RGS7: variants seen among roughly 807,000 people sequenced by gnomAD.
The protein encoded by RGS7 is regulator of G protein signaling 7, also known as regulator of G-protein signaling 7.
RGS7 carries 27 observed loss-of-function variants against 81.1 expected under a neutral mutation model. That is an observed-to-expected ratio of 0.33 (90% CI 0.25 to 0.46). The LOEUF (loss-of-function observed/expected upper bound fraction) is 0.46. RGS7 is among the 20% of genes least tolerant of loss of function. The probability of loss-of-function intolerance (pLI) is 1.00; values close to 1 mark genes in which losing one functional copy is unlikely to be tolerated. For missense variants in RGS7, 396 were observed against 607.4 expected (o/e 0.65, Z 3.66); for synonymous variants, 208 against 207.7 (o/e 1.00, Z -0.01).
In RGS7 at chr1:241,186,852, T is replaced by A. The variant is rs76468507; in HGVS notation, c.79-88090A>T. ...ATCTAACATAATTCTTATCCAGTAC[T>A]AGCATATGGCTATGACAATGGATTC... On this transcript the variant is annotated intron_variant, in intron 2 of 18. Transcript: ENST00000440928. Among the ~76,000 whole-genome samples the A allele has an allele frequency of 2.8e-3, 425 of 152,200 alleles. 9 individuals carry two copies. The East Asian group carries it at 0.044, about 16-fold the overall frequency.
At chr1:240,787,497 TAAAC>T (rs542375269) in intron 18 of RGS7, among the ~76,000 whole-genome samples, 219 of 152,302 alleles carry the variant, frequency 1.4e-3, no homozygotes, top group Non-Finnish European at 2.5e-3. Flanking sequence ...GCTTCATAAC[TAAAC>T]AAACAATGAC....
At chr1:240,822,469 T>TAATAATAATAA (rs1211057689) in intron 10 of RGS7, among the ~76,000 whole-genome samples, 15 of 152,292 alleles carry the variant, frequency 9.8e-5, no homozygotes, top group African/African-American at 3.6e-4. Flanking sequence ...CATCTTCACG[T>TAATAATAATAA]TTCTAATAAT....
intron 3 of RGS7, among the ~76,000 whole-genome samples, chr1:240,999,077 A>G (rs1687744343): frequency 1.3e-5 from 2 of 151,930 alleles, no homozygotes; most frequent in African/African-American, 2.4e-5. Context: ...GGTTTCTTCC[A>G]TCTTATCGAT....
chr1:241,355,082 T>C (rs979154702), intron 2 of RGS7, among the ~76,000 whole-genome samples: 7 of 152,142 alleles, frequency 4.6e-5, no homozygotes, highest in Admixed American at 1.3e-4. Context: ...AAAAAGCAAC[T>C]CTGCAAGATA....
chr1:240,827,465 G>A (rs573113081), intron 9 of RGS7, among the ~76,000 whole-genome samples: 1 of 152,280 alleles, frequency 6.6e-6, no homozygotes, highest in East Asian at 1.9e-4. Flanking sequence ...GTGTCAATAC[G>A]TATAGCGACA....
chr1:241,118,657 G>A (rs1181391821), intron 2 of RGS7, among the ~76,000 whole-genome samples: 1 of 152,042 alleles, frequency 6.6e-6, no homozygotes, highest in African/African-American at 2.4e-5. Context: ...TTCATCAACA[G>A]TTGACAGAAT....
chr1:241,319,829 T>A (rs1199820906), intron 2 of RGS7, among the ~76,000 whole-genome samples: 1 of 152,206 alleles, frequency 6.6e-6, no homozygotes, highest in Non-Finnish European at 1.5e-5. Context: ...GCAGTGGCTC[T>A]CGCCTGTAAT....
intron 2 of RGS7, among the ~76,000 whole-genome samples, chr1:241,284,843 G>A (rs766074784): frequency 1.3e-5 from 2 of 151,966 alleles, no homozygotes; most frequent in Non-Finnish European, 2.9e-5. Context: ...TTATCCAAAA[G>A]TTTCTGTCTT....
At chr1:241,303,658 T>C (rs1369235425) in intron 2 of RGS7, among the ~76,000 whole-genome samples, 1 of 152,242 alleles carries the variant, frequency 6.6e-6, no homozygotes, top group Non-Finnish European at 1.5e-5. Context: ...CTGTGACTGT[T>C]TGATATCCCT....
chr1:241,171,724 G>A (rs1313695795), intron 2 of RGS7, among the ~76,000 whole-genome samples: 1 of 152,200 alleles, frequency 6.6e-6, no homozygotes, highest in African/African-American at 2.4e-5. Flanking sequence ...TACCCTATCC[G>A]TGAGTGACAC....
intron 3 of RGS7, among the ~76,000 whole-genome samples, chr1:241,056,104 C>T (rs1285530542): frequency 6.6e-6 from 1 of 152,186 alleles, no homozygotes; most frequent in Non-Finnish European, 1.5e-5. Flanking sequence ...TAAAACCACA[C>T]TATACCTTGT....
chr1:241,173,545 G>A (rs2070885010), intron 2 of RGS7, among the ~76,000 whole-genome samples: 2 of 152,104 alleles, frequency 1.3e-5, no homozygotes, highest in South Asian at 4.2e-4. Context: ...ACAATTTTGG[G>A]AGATCAAGGC....
At chr1:241,085,917 G>A (rs1004874583) in intron 3 of RGS7, among the ~76,000 whole-genome samples, 2 of 152,112 alleles carry the variant, frequency 1.3e-5, no homozygotes, top group Admixed American at 1.3e-4. Context: ...ACTTACAAGC[G>A]GTCTTTATGG....
Position 240,776,157 on chromosome 1 carries a change from A to G in RGS7, c.*63T>C, listed in dbSNP as rs377170783. ...CAGTCTGCATTCATGCTACAAGATG[A>G]TCCGTTTAGTAAGACTGAGCAAGGC... On this transcript the variant is annotated 3_prime_UTR_variant, in exon 19 of 19. Transcript: ENST00000440928. The G allele has an allele frequency of 4.4e-6, 7 of 1,606,592 alleles. No homozygotes were observed. Among genetic ancestry groups the G allele is most frequent in the Non-Finnish European group, 5.1e-6 (6 of 1,173,136 alleles).
intron 2 of RGS7, among the ~76,000 whole-genome samples, chr1:241,246,840 A>C (rs1180008382): frequency 1.3e-5 from 2 of 152,040 alleles, no homozygotes; most frequent in African/African-American, 4.8e-5. Flanking sequence ...GAGCAGTAGC[A>C]GTCCAAAGGG....
intron 3 of RGS7, among the ~76,000 whole-genome samples, chr1:240,990,644 T>C (rs906277243): frequency 1.3e-5 from 2 of 152,256 alleles, no homozygotes; most frequent in Non-Finnish European, 2.9e-5. Context: ...TAGAGAAAAT[T>C]ATTCAGTTTT....
At chr1:241,282,810 AGATT>A (rs2078595678) in intron 2 of RGS7, among the ~76,000 whole-genome samples, 2 of 152,222 alleles carry the variant, frequency 1.3e-5, no homozygotes, top group Non-Finnish European at 2.9e-5. Flanking sequence ...TCTTTTGTAT[AGATT>A]GATAGAATCA....
chr1:240,806,881 G>A (rs1307555753), intron 14 of RGS7, among the ~76,000 whole-genome samples: 2 of 152,136 alleles, frequency 1.3e-5, no homozygotes, highest in Admixed American at 1.3e-4. Context: ...AGCTTTGCTG[G>A]AGTTAAAAGA....
chr1:240,979,366 C>T (rs773726381), intron 4 of RGS7, among the ~76,000 whole-genome samples: 22 of 151,580 alleles, frequency 1.5e-4, no homozygotes, highest in Admixed American at 3.3e-4. Context: ...ATAAAATAAC[C>T]GAAATAAGCT....
Sources: allele counts gnomAD v4.1 joint callset (sites outside exome capture counted in the v4.1 genomes callset), GRCh38; gene constraint gnomAD v4.1.1; transcripts MANE v1.5; gene names NCBI Gene and HGNC (gene_info 2026-07-23, HGNC 2026-07-21).